The following TRA2B variants were observed in gnomAD, a reference collection of about 807,000 sequenced individuals.
The protein encoded by TRA2B is transformer 2 beta homolog, also known as transformer-2 protein homolog beta.
TRA2B carries 14 observed loss-of-function variants against 41.7 expected under a neutral mutation model. The ratio of observed to expected loss-of-function variants is 0.34; its 90% CI spans 0.22 to 0.53. The LOEUF (loss-of-function observed/expected upper bound fraction) is 0.53. Among genes scored for constraint, TRA2B ranks in the 20% least tolerant of loss-of-function variants. TRA2B has a pLI of 0.95. For missense variants in TRA2B, 167 were observed against 396.8 expected (o/e 0.42, Z 4.92); for synonymous variants, 130 against 128.8 (o/e 1.01, Z -0.06).
intron 1 of TRA2B, chr3:185,928,229 G>A (rs1014124911): frequency 1.3e-5 from 2 of 152,142 alleles, no homozygotes; most frequent in African/African-American, 4.8e-5. Flanking sequence ...GACAAATTAA[G>A]GTTTGAGGTT....
chr3:185,921,914 T>C (rs1743759267), intron 5 of TRA2B, 97 bp downstream of exon 5: 2 of 783,612 alleles, frequency 2.6e-6, no homozygotes, highest in African/African-American at 3.5e-5. Context: ...GTCAAGTTTA[T>C]GGCACAAACC....
At chr3:185,936,479 T>G in intron 1 of TRA2B, 1 of 985,400 alleles carries the variant, frequency 1.0e-6, no homozygotes, top group Non-Finnish European at 1.2e-6. Context: ...TCAAACCAAA[T>G]TAAGCAGTTT....
chr3:185,927,057 T>C (rs943934135), intron 1 of TRA2B: 2 of 211,402 alleles, frequency 9.5e-6, no homozygotes, highest in Non-Finnish European at 1.9e-5. Flanking sequence ...CCATAAAGAC[T>C]AGGGTGAGGC....
chr3:185,931,069 T>A (rs1028046777), intron 1 of TRA2B, among the ~76,000 whole-genome samples: 1 of 152,228 alleles, frequency 6.6e-6, no homozygotes, highest in African/African-American at 2.4e-5. Flanking sequence ...TGGAAAAAAC[T>A]AACACACTAA....
chr3:185,937,775 A>C, intron 1 of TRA2B, 50 bp downstream of exon 1: 1 of 1,613,128 alleles, frequency 6.2e-7, no homozygotes. Flanking sequence ...CTAGAAAAAG[A>C]TGCAAGGAGC....
chr3:185,927,095 C>CCTG, intron 1 of TRA2B: 1 of 157,068 alleles, frequency 6.4e-6, no homozygotes, highest in Non-Finnish European at 1.4e-5. Flanking sequence ...GACACCTATA[C>CCTG]TTTATACCTA....
At chr3:185,925,712 A>C in intron 2 of TRA2B, 86 bp from the exon 3 acceptor site, 1 of 1,374,666 alleles carries the variant, frequency 7.3e-7, no homozygotes, top group South Asian at 1.6e-5. Flanking sequence ...ACTCCAAAAG[A>C]GGGAACAATC....
In TRA2B at chr3:185,924,004, T is replaced by C. The variant is rs13061941; in HGVS notation, c.334-20A>G. 3 of 1,581,126 alleles carry C rather than the reference T, an allele frequency of 1.9e-6. No homozygotes were observed. Among genetic ancestry groups the C allele is most frequent in the Admixed American group, 3.9e-5 (2 of 50,732 alleles). On this transcript the variant is annotated intron_variant, in intron 3 of 8. Transcript: ENST00000453386. ...ATTTGCCTAGGGAAAAAAAAAAGTT[T>C]TAAACTTTGGAAAAGTTGTCATAAA...
intron 3 of TRA2B, chr3:185,924,440 C>A (rs1743865511): frequency 6.4e-6 from 1 of 156,356 alleles, no homozygotes; most frequent in Admixed American, 6.4e-5. Flanking sequence ...ACACAATACA[C>A]AAGTAAGTAC....
intron 1 of TRA2B, chr3:185,934,734 ACAT>A: frequency 1.0e-6 from 1 of 985,418 alleles, no homozygotes; most frequent in Non-Finnish European, 1.2e-6. Flanking sequence ...ATATAAAAAG[ACAT>A]CCCAAGATTC....
At chr3:185,922,223 G>A in intron 4 of TRA2B, 97 bp from the exon 5 acceptor site, 5 of 751,130 alleles carry the variant, frequency 6.7e-6, no homozygotes, top group Non-Finnish European at 8.7e-6. Flanking sequence ...TCAGTTAGGT[G>A]CATTAAGTTA....
chr3:185,917,441 C>G lies in TRA2B; in HGVS notation c.*274G>C, dbSNP rs1375111911. On this transcript the variant is annotated 3_prime_UTR_variant, in exon 9 of 9. Coordinates refer to ENST00000453386, the MANE Select transcript of TRA2B (RefSeq NM_004593.3). ...AAAACCTTTTAAATGAAGTTTTGTA[C>G]AATAGAAACTTCTCAGCAGTCAAAA... 1 of 428,222 alleles carries G rather than the reference C, an allele frequency of 2.3e-6. No homozygotes were observed. The highest frequency in any genetic ancestry group is 5.7e-5 in the South Asian group (1 of 17,498). 26.5% of individuals were successfully genotyped at this position (428,222 alleles called of 1,614,324 possible).
chr3:185,921,337 T>TCC (rs773005548), intron 5 of TRA2B, 150 bp from the exon 6 acceptor site: 2 of 679,662 alleles, frequency 2.9e-6, no homozygotes, highest in South Asian at 3.6e-5. Flanking sequence ...CATTGCCCTT[T>TCC]CCCTTGTTTC....
At chr3:185,932,036 T>C (rs1414590524) in intron 1 of TRA2B, among the ~76,000 whole-genome samples, 2 of 151,884 alleles carry the variant, frequency 1.3e-5, no homozygotes, top group East Asian at 1.9e-4. Flanking sequence ...CTAGAATATA[T>C]GGTAATCTCA....
rs538781809 is a variant in TRA2B at position 185,938,012 on chromosome 3, T to C, written c.-152A>G. 1.2e-6 allele frequency: 1 copy of C among 829,726 alleles called. No individual in the cohort carries two copies. The highest frequency in any genetic ancestry group is 2.8e-5 in the East Asian group (1 of 36,120). The allele number at this position is 829,726 out of a possible 1,614,324, so 51.4% of individuals were successfully genotyped here. A position where few individuals can be genotyped will look rare whatever the true frequency, so the allele number is the denominator to read the frequency against. On this transcript the variant is annotated 5_prime_UTR_variant, in exon 1 of 9. Coordinates refer to ENST00000453386, the MANE Select transcript of TRA2B (RefSeq NM_004593.3). ...TGCTCCGCACCGCCTCCGCACGGGC[T>C]CTAACTCTACCGGATGTGACGCGGC...
At chr3:185,933,150 G>C (rs1446183072) in intron 1 of TRA2B, among the ~76,000 whole-genome samples, 1 of 151,952 alleles carries the variant, frequency 6.6e-6, no homozygotes, top group Non-Finnish European at 1.5e-5. Flanking sequence ...GTTTCCTTAG[G>C]GCCTCCTAAA....
chr3:185,922,762 TA>T (rs1743790418), intron 4 of TRA2B: 3 of 152,182 alleles, frequency 2.0e-5, no homozygotes, highest in African/African-American at 7.2e-5. Context: ...AGCATACATT[TA>T]AAAAATAAAA....
intron 1 of TRA2B, among the ~76,000 whole-genome samples, chr3:185,930,177 G>C (rs1245655201): frequency 6.6e-6 from 1 of 152,120 alleles, no homozygotes; most frequent in Admixed American, 6.5e-5. Flanking sequence ...TAGTGGGCTG[G>C]GGGTTAAGAG....
chr3:185,936,465 T>G, intron 1 of TRA2B: 1 of 985,420 alleles, frequency 1.0e-6, no homozygotes. Context: ...AAGGCTTGAT[T>G]AGTTCAAACC....
Sources: gnomAD v4.1 joint callset for allele counts (sites outside exome capture counted in the v4.1 genomes callset) on GRCh38, gnomAD v4.1.1 for gene constraint, MANE v1.5 for transcripts, NCBI Gene and HGNC (gene_info 2026-07-23, HGNC 2026-07-21) for gene names.